The following CNTNAP2 variants were observed in gnomAD, a reference collection of about 807,000 sequenced individuals.
CNTNAP2 encodes contactin-associated protein-like 2.
CNTNAP2 carries 98 observed loss-of-function variants against 155.2 expected under a neutral mutation model. The observed-to-expected ratio is 0.63, with a 90% CI of 0.54 to 0.75. CNTNAP2 has a LOEUF of 0.75. Among genes scored for constraint, CNTNAP2 ranks in the 30% least tolerant of loss-of-function variants. CNTNAP2 has a pLI of 0.00. For missense variants in CNTNAP2, 1,727 were observed against 1,688.1 expected (o/e 1.02, Z -0.40); for synonymous variants, 651 against 631.2 (o/e 1.03, Z -0.47).
chr7:147,364,754 C>G (rs925736374), intron 9 of CNTNAP2, among the ~76,000 whole-genome samples: 1 of 151,744 alleles, frequency 6.6e-6, no homozygotes, highest in Admixed American at 6.6e-5. Context: ...GAGGCTGAGG[C>G]AGGAGAATGG....
intron 3 of CNTNAP2, among the ~76,000 whole-genome samples, chr7:146,866,806 A>G (rs1795214124): frequency 1.3e-5 from 2 of 152,166 alleles, no homozygotes; most frequent in African/African-American, 4.8e-5. Flanking sequence ...TCTGCAATCA[A>G]TTACAGTATA....
In CNTNAP2 at chr7:147,069,587, G is replaced by A. The variant is rs181414326; in HGVS notation, c.550+25533G>A. On this transcript the variant is annotated intron_variant, in intron 4 of 23. Coordinates refer to ENST00000361727, the MANE Select transcript of CNTNAP2 (RefSeq NM_014141.6). ...GACAGTAAGAAAGCAGTTGGTAGGGGAGGGAAGAGGTCACATAAATAATGG... is the reference window on the plus strand; with the variant it reads ...GACAGTAAGAAAGCAGTTGGTAGGGAAGGGAAGAGGTCACATAAATAATGG... Among the ~76,000 whole-genome samples the A allele has an allele frequency of 3.1e-3, 479 of 152,312 alleles. 3 individuals carry two copies. The highest frequency in any genetic ancestry group is 0.01 in the Middle Eastern group (3 of 294).
intron 1 of CNTNAP2, among the ~76,000 whole-genome samples, chr7:146,336,924 G>T (rs1338559120): frequency 6.6e-6 from 1 of 152,150 alleles, no homozygotes; most frequent in Admixed American, 6.5e-5. Context: ...GTGGTCATGG[G>T]TTAACCATGG....
intron 12 of CNTNAP2, among the ~76,000 whole-genome samples, chr7:147,576,968 T>A (rs533373928): frequency 3.3e-5 from 5 of 152,206 alleles, no homozygotes; most frequent in African/African-American, 1.2e-4. Flanking sequence ...TATCTAACCA[T>A]CCTTGGGATG....
intron 21 of CNTNAP2, among the ~76,000 whole-genome samples, chr7:148,272,257 G>A (rs2116847888): frequency 6.6e-6 from 1 of 152,286 alleles, no homozygotes; most frequent in Admixed American, 6.5e-5. Flanking sequence ...GGTTCACAAA[G>A]GAGAAATCTC....
chr7:147,608,172 C>G (rs867972012), intron 12 of CNTNAP2, among the ~76,000 whole-genome samples: 9 of 149,510 alleles, frequency 6.0e-5, no homozygotes, highest in South Asian at 2.1e-4. Context: ...AGTGTGTACA[C>G]TTACCATAGA....
chr7:148,124,582 A>G (rs775531709), intron 16 of CNTNAP2, among the ~76,000 whole-genome samples: 20 of 152,160 alleles, frequency 1.3e-4, no homozygotes, highest in Admixed American at 2.6e-4. Context: ...TCCACCTCCT[A>G]GTGAAGGAGA....
chr7:147,784,223 G>A (rs1039408206), intron 13 of CNTNAP2, among the ~76,000 whole-genome samples: 6 of 151,400 alleles, frequency 4.0e-5, no homozygotes, highest in African/African-American at 1.5e-4. Context: ...TCCAAACAAG[G>A]TCATATTTTG....
At chr7:147,740,181 G>T (rs78311029) in intron 13 of CNTNAP2, among the ~76,000 whole-genome samples, 30,678 of 152,138 alleles carry the variant, frequency 0.2, 3,300 homozygotes, top group Middle Eastern at 0.39. Context: ...TTGCTTCGCA[G>T]GTTAAAATCA....
chr7:146,470,061 G>C (rs376386735), intron 1 of CNTNAP2, among the ~76,000 whole-genome samples: 11 of 149,794 alleles, frequency 7.3e-5, no homozygotes, highest in African/African-American at 1.5e-4. Flanking sequence ...GGATGGTCTC[G>C]ATCTCCTGAC....
intron 8 of CNTNAP2, among the ~76,000 whole-genome samples, chr7:147,231,056 A>C (rs1803668503): frequency 6.6e-6 from 1 of 152,220 alleles, no homozygotes; most frequent in African/African-American, 2.4e-5. Context: ...CAGCAGACAA[A>C]AGAGAAGAGT....
chr7:146,586,767 G>T (rs1384725228), intron 1 of CNTNAP2, among the ~76,000 whole-genome samples: 2 of 152,180 alleles, frequency 1.3e-5, no homozygotes, highest in African/African-American at 4.8e-5. Context: ...ATGAGGAAGG[G>T]TTTTTCCTCT....
chr7:147,800,474 TA>T (rs879347658), intron 13 of CNTNAP2, among the ~76,000 whole-genome samples: 2,618 of 144,222 alleles, frequency 0.018, 63 homozygotes, highest in African/African-American at 0.058. Flanking sequence ...CAGCTCACTT[TA>T]AAAAAAAAAA....
chr7:146,281,977 C>G (rs961087628), intron 1 of CNTNAP2, among the ~76,000 whole-genome samples: 2 of 151,932 alleles, frequency 1.3e-5, no homozygotes, highest in African/African-American at 2.4e-5. Context: ...TTACCATATG[C>G]CTATATGCTT....
intron 13 of CNTNAP2, among the ~76,000 whole-genome samples, chr7:147,859,213 C>T (rs901339095): frequency 2.6e-5 from 4 of 152,024 alleles, no homozygotes; most frequent in African/African-American, 4.8e-5. Flanking sequence ...GTTTATAATG[C>T]TGTTAGGGAT....
chr7:147,687,063 T>C (rs1796026127), intron 13 of CNTNAP2, among the ~76,000 whole-genome samples: 1 of 152,108 alleles, frequency 6.6e-6, no homozygotes, highest in Non-Finnish European at 1.5e-5. Context: ...AGGCAATGGA[T>C]ATTCTGATTA....
intron 1 of CNTNAP2, among the ~76,000 whole-genome samples, chr7:146,701,412 A>G (rs1800876050): frequency 6.6e-6 from 1 of 152,300 alleles, no homozygotes; most frequent in South Asian, 2.1e-4. Context: ...GCCAATGCCC[A>G]TACTCTACTG....
At chr7:147,770,449 T>C (rs1797452513) in intron 13 of CNTNAP2, among the ~76,000 whole-genome samples, 1 of 152,150 alleles carries the variant, frequency 6.6e-6, no homozygotes, top group African/African-American at 2.4e-5. Flanking sequence ...AAAAAGTCAT[T>C]ATAGAATTAA....
At chr7:146,761,314 G>A (rs1802093897) in intron 1 of CNTNAP2, among the ~76,000 whole-genome samples, 2 of 151,624 alleles carry the variant, frequency 1.3e-5, no homozygotes, top group African/African-American at 4.9e-5. Context: ...AGGAAGGAAG[G>A]AAGGAAGGAA....
Sources: allele counts gnomAD v4.1 joint callset (sites outside exome capture counted in the v4.1 genomes callset), GRCh38; gene constraint gnomAD v4.1.1; transcripts MANE v1.5; gene names NCBI Gene and HGNC (gene_info 2026-07-23, HGNC 2026-07-21).